The following FBLN7 variants were observed in gnomAD, a reference collection of about 807,000 sequenced individuals.
The protein encoded by FBLN7 is fibulin-7.
Under a neutral mutation model 44.0 loss-of-function variants are expected in FBLN7, and 31 were observed. The ratio of observed to expected loss-of-function variants is 0.70; its 90% confidence interval spans 0.53 to 0.95. The LOEUF is 0.95. Among genes scored for constraint, FBLN7 ranks in the 40% least tolerant of loss-of-function variants. The pLI is 0.00. For synonymous variants in FBLN7, 262 were observed against 253.4 expected (o/e 1.03, Z -0.32); for missense variants, 573 against 618.5 (o/e 0.93, Z 0.78).
chr2:112,187,704 A>G lies in FBLN7; in HGVS notation c.*198A>G. The G allele has an allele frequency of 1.6e-6, 1 of 616,042 alleles. No homozygotes were observed. The highest frequency in any genetic ancestry group is 2.5e-5 in the South Asian group (1 of 39,682). 38.2% of individuals were successfully genotyped at this position (616,042 alleles called of 1,614,324 possible). On this transcript the variant is annotated 3_prime_UTR_variant, in exon 8 of 8. Coordinates refer to ENST00000331203, the MANE Select transcript of FBLN7 (RefSeq NM_153214.3). The surrounding 1 kb of genome is among the most constrained non-coding windows in gnomAD (Gnocchi z 5.1). ...GCCACAAAACTCAACTGCTGCCATC[A>G]CTCTTTTTTTTTTTCTGCTTTGAGG...
In FBLN7 at chr2:112,182,148, C is replaced by T. The variant is rs1176949047; in HGVS notation, c.670+272C>T. ...GGTTCAGGAGAGCCTTGAGACCCTC[C>T]ATCCCCTCCGCCCTGGCTGGAATCA... is the stretch of plus-strand genomic sequence containing the variant. On this transcript the variant is annotated intron_variant, in intron 5 of 7. Coordinates refer to ENST00000331203, the MANE Select transcript of FBLN7 (RefSeq NM_153214.3). 3.9e-5 allele frequency: 18 copies of T among 466,212 alleles called. No individual in the cohort carries two copies. In the South Asian group the frequency reaches 4.4e-4, roughly 11 times the overall value. The allele number at this position is 466,212 out of a possible 1,614,324, so 28.9% of individuals were successfully genotyped here. A position where few individuals can be genotyped will look rare whatever the true frequency, so the allele number is the denominator to read the frequency against.
chr2:112,185,105 C>T (rs1683202148), intron 6 of FBLN7, 96 bp from the exon 7 acceptor site: 32 of 1,496,486 alleles, frequency 2.1e-5, no homozygotes, highest in Non-Finnish European at 2.7e-5. Flanking sequence ...GCAGGGAGCA[C>T]CACATTACAG....
At chr2:112,167,363 G>A (rs1573804055) in intron 3 of FBLN7, among the ~76,000 whole-genome samples, 3 of 152,034 alleles carry the variant, frequency 2.0e-5, no homozygotes, top group Admixed American at 6.5e-5. Context: ...GACCCAAAGC[G>A]CTCCCCACAG....
chr2:112,172,627 CTTTTTT>C (rs35062438), intron 3 of FBLN7, among the ~76,000 whole-genome samples: 67 of 88,130 alleles, frequency 7.6e-4, no homozygotes, highest in African/African-American at 3.0e-3. Flanking sequence ...CTTTTTCTTT[CTTTTTT>C]TTTTTTTTTT....
chr2:112,229,382 TTCC>T, the FBLN7 span, among the ~76,000 whole-genome samples: 2 of 152,244 alleles, frequency 1.3e-5, no homozygotes, highest in Admixed American at 6.5e-5. Flanking sequence ...ATTCTACCAG[TTCC>T]TCCCACATGT....
At chr2:112,184,264 A>T (rs1683137731) in intron 6 of FBLN7, among the ~76,000 whole-genome samples, 1 of 152,142 alleles carries the variant, frequency 6.6e-6, no homozygotes, top group Non-Finnish European at 1.5e-5. Context: ...TGACCCACCA[A>T]GGGAGAACGG....
the FBLN7 span, among the ~76,000 whole-genome samples, chr2:112,228,656 G>C: frequency 2.0e-5 from 3 of 152,088 alleles, no homozygotes; most frequent in African/African-American, 7.2e-5. Flanking sequence ...AAACATAAGA[G>C]CACATCTTGT....
the FBLN7 span, among the ~76,000 whole-genome samples, chr2:112,241,555 T>C: frequency 2.9e-4 from 44 of 152,300 alleles, no homozygotes; most frequent in African/African-American, 9.4e-4. Flanking sequence ...AACCTCCAAA[T>C]TGACATTTGG....
chr2:112,185,365 C>A (rs981538301), intron 7 of FBLN7, 26 bp downstream of exon 7: 2 of 1,602,356 alleles, frequency 1.2e-6, no homozygotes, highest in South Asian at 2.2e-5. Flanking sequence ...GGAGGCACAC[C>A]CTCACCCAGG....
At chr2:112,197,274 C>CACAG in the FBLN7 span, among the ~76,000 whole-genome samples, 731 of 98,566 alleles carry the variant, frequency 7.4e-3, 7 homozygotes, top group South Asian at 0.033. Context: ...CACACACACA[C>CACAG]AGAGAGAGAG....
the FBLN7 span, among the ~76,000 whole-genome samples, chr2:112,207,464 CAAAA>C: frequency 5.1e-5 from 4 of 79,162 alleles, no homozygotes; most frequent in African/African-American, 4.2e-5. Flanking sequence ...GACTCCATCT[CAAAA>C]AAAAAAAAAA....
At chr2:112,153,486 A>G (rs2104550950) in intron 1 of FBLN7, among the ~76,000 whole-genome samples, 1 of 152,320 alleles carries the variant, frequency 6.6e-6, no homozygotes, top group South Asian at 2.1e-4. Context: ...GAGGAAGACC[A>G]TCGAGCCAGG....
At chr2:112,228,085 G>A in the FBLN7 span, among the ~76,000 whole-genome samples, 1 of 151,726 alleles carries the variant, frequency 6.6e-6, no homozygotes, top group East Asian at 1.9e-4. Context: ...TAGTGTATAA[G>A]GACACACATA....
intron 1 of FBLN7, among the ~76,000 whole-genome samples, chr2:112,157,524 TTAG>T: frequency 6.6e-6 from 1 of 152,194 alleles, no homozygotes; most frequent in South Asian, 2.1e-4. Context: ...GTGAATGGCC[TTAG>T]TAGAGACCTG....
the FBLN7 span, chr2:112,233,384 A>G: frequency 1.3e-6 from 2 of 1,507,024 alleles, no homozygotes; most frequent in African/African-American, 1.4e-5. Context: ...AGGCCAAAAG[A>G]AGGAGCAAGG....
In FBLN7 at chr2:112,166,631, C is replaced by T. The variant is rs143298000; in HGVS notation, c.406+1460C>T. 4.2e-4 allele frequency among the ~76,000 whole-genome samples: 64 copies of T among 152,310 alleles called. 1 individual carries two copies. The East Asian group carries it at 8.9e-3, about 21-fold the overall frequency. ...CAATATCTGGTATTTACTTACTTGA[C>T]TCTGAAAGATCTCAAGCCAGGTTAA... On this transcript the variant is annotated intron_variant, in intron 3 of 7. Coordinates refer to ENST00000331203, the MANE Select transcript of FBLN7 (RefSeq NM_153214.3).
rs1558879667 is a variant in FBLN7, at chr2:112,160,694, A to ACGCG, written c.235+860_235+861insGCGC. ...CGCACACGCAGACGCACGCACACGC[A>ACGCG]CACACGCACGCACACACACAAGCAC... On this transcript the variant is annotated intron_variant, in intron 2 of 7. Coordinates refer to ENST00000331203, the MANE Select transcript of FBLN7 (RefSeq NM_153214.3). Among the ~76,000 whole-genome samples the ACGCG allele has an allele frequency of 1.8e-3, 210 of 115,422 alleles. 33 individuals carry two copies. The highest frequency in any genetic ancestry group is 2.2e-3 in the Non-Finnish European group (116 of 53,022). 75.7% of individuals were successfully genotyped at this position (115,422 alleles called of 152,430 possible).
the FBLN7 span, among the ~76,000 whole-genome samples, chr2:112,208,642 G>T: frequency 1.3e-5 from 2 of 151,878 alleles, no homozygotes; most frequent in Non-Finnish European, 2.9e-5. Flanking sequence ...CTTAATTATG[G>T]AGTACCCTAT....
chr2:112,171,784 C>T (rs1401026676), intron 3 of FBLN7, among the ~76,000 whole-genome samples: 1 of 152,134 alleles, frequency 6.6e-6, no homozygotes, highest in East Asian at 1.9e-4. Flanking sequence ...CTCCTAAGGG[C>T]TATTCTAGGC....
Sources: gnomAD v4.1 joint callset for allele counts (sites outside exome capture counted in the v4.1 genomes callset) on GRCh38, gnomAD v4.1.1 for gene constraint, Gnocchi (gnomAD v3.1) non-coding constraint, MANE v1.5 for transcripts, NCBI Gene and HGNC (gene_info 2026-07-23, HGNC 2026-07-21) for gene names.